NEURL1B: variants seen among roughly 807,000 people sequenced by gnomAD.
NEURL1B encodes the protein neuralized E3 ubiquitin protein ligase 1B.
In NEURL1B, 13 loss-of-function variants were observed where a neutral mutation model predicts 37.4. The ratio of observed to expected loss-of-function variants is 0.35; its 90% confidence interval spans 0.23 to 0.55. The LOEUF is 0.55. NEURL1B is among the 20% of genes least tolerant of loss of function. The probability of loss-of-function intolerance (pLI) is 0.89; values close to 1 mark genes in which losing one functional copy is unlikely to be tolerated. For missense variants in NEURL1B, 790 were observed against 879.2 expected (o/e 0.90, Z 1.28); for synonymous variants, 432 against 426.6 (o/e 1.01, Z -0.16).
rs571450566 is a variant in NEURL1B at position 172,684,100 on chromosome 5, C to G, written c.1259C>G (p.Ala420Gly). ...ACGCAGGCGCTCTGGGCCTTCTTCG[C>G]CGTGCGCGGCGGCGTCGCGGGCCAG... ...DTTQALWAFF[A>G]VRGGVAGQLR... The change falls in exon 3 of 5, where the codon GCC becomes GGC. Residue 420 changes from alanine (A) to glycine (G), a missense_variant. This residue lies in a region of NEURL1B where 460 missense variants were observed against 407.4 expected (regional missense o/e 1.13). Coordinates refer to ENST00000369800, the MANE Select transcript of NEURL1B (RefSeq NM_001142651.3). 2 of 1,273,160 alleles carry G rather than the reference C, an allele frequency of 1.6e-6. No homozygotes were observed. The highest frequency in any genetic ancestry group is 4.9e-5 in the South Asian group (2 of 40,892). 78.9% of individuals were successfully genotyped at this position (1,273,160 alleles called of 1,614,324 possible).
chr5:172,684,471 C>T (rs1758443645), intron 3 of NEURL1B, among the ~76,000 whole-genome samples: 2 of 152,266 alleles, frequency 1.3e-5, no homozygotes, highest in East Asian at 1.9e-4. Flanking sequence ...CCGAGCTTGG[C>T]AGGCTATATC....
rs1757820307 is a variant in NEURL1B at position 172,657,636 on chromosome 5, T to C, written c.32-12149T>C. Reference sequence around the variant, plus strand: ...GCCCGCATAAGGGTTGCTTGAGGGCTCCTTGGTCAAGTGGTAACGCCGGTG... The same window carrying C: ...GCCCGCATAAGGGTTGCTTGAGGGCCCCTTGGTCAAGTGGTAACGCCGGTG... On this transcript the variant is annotated intron_variant, in intron 1 of 4. Transcript: ENST00000369800. This position sits in a 1 kb window ranked among gnomAD's most constrained non-coding sequence, Gnocchi z 4.0. Among the ~76,000 whole-genome samples, 1 of 152,164 alleles carries C rather than the reference T, an allele frequency of 6.6e-6. No homozygotes were observed. Among genetic ancestry groups the C allele is most frequent in the South Asian group, 2.1e-4 (1 of 4,834 alleles).
intron 1 of NEURL1B, among the ~76,000 whole-genome samples, chr5:172,645,930 A>G (rs1183034563): frequency 6.6e-6 from 1 of 152,168 alleles, no homozygotes; most frequent in Non-Finnish European, 1.5e-5. Flanking sequence ...GTGGGTTGTG[A>G]CCAGCTGTAA....
At chr5:172,644,533 C>G (rs1460422721) in intron 1 of NEURL1B, among the ~76,000 whole-genome samples, 1 of 152,210 alleles carries the variant, frequency 6.6e-6, no homozygotes, top group Non-Finnish European at 1.5e-5. Context: ...CTTGGCAGCT[C>G]TTGCAAAGTG....
chr5:172,686,277 G>C lies in NEURL1B; in HGVS notation c.1404G>C (p.Ser468=). The C allele has an allele frequency of 6.4e-6, 10 of 1,551,650 alleles. No individual in the cohort carries two copies. The highest frequency in any genetic ancestry group is 8.7e-6 in the Non-Finnish European group (10 of 1,146,980). Residue 468 remains serine, a synonymous_variant, in exon 4 of 5, where the codon TCG becomes TCC. Coordinates refer to ENST00000369800, the MANE Select transcript of NEURL1B (RefSeq NM_001142651.3). This position sits in a 1 kb window ranked among gnomAD's most constrained non-coding sequence, Gnocchi z 7.9. ...DMTFSVNQSS[S]ASESSLVTAP... ...CCTTCAGTGTCAACCAGTCCTCCTC[G>C]GCATCTGAGTCATCCCTGGGTAAGG...
rs1581439481 is a variant in NEURL1B at position 172,683,242 on chromosome 5, T to A, written c.578-177T>A. Among the ~76,000 whole-genome samples the A allele has an allele frequency of 1.3e-5, 2 of 152,060 alleles. No homozygotes were observed. Among genetic ancestry groups the A allele is most frequent in the Non-Finnish European group, 1.5e-5 (1 of 67,988 alleles). ...TGCTTAATGCAATTCTGTGCTCCTG[T>A]GACTCACTAAATAACACAGATGGAC... On this transcript the variant is annotated intron_variant, in intron 2 of 4. Transcript: ENST00000369800. The surrounding 1 kb of genome is among the most constrained non-coding windows in gnomAD (Gnocchi z 5.6).
chr5:172,686,787 G>C lies in NEURL1B; in HGVS notation c.1530G>C (p.Glu510Asp). The C allele has an allele frequency of 6.4e-7, 1 of 1,551,956 alleles. No homozygotes were observed. Among genetic ancestry groups the C allele is most frequent in the Non-Finnish European group, 8.7e-7 (1 of 1,147,334 alleles). ...AGTGCACGGTGTGCTTCGATGGCGA[G>C]GTGGACACGGTCATCTACACGTGTG... ...NGECTVCFDG[E>D]VDTVIYTCGH... The change falls in exon 5 of 5, where the codon GAG becomes GAC. Residue 510 changes from glutamate (E) to aspartate (D), a missense_variant. By Grantham distance (45) the Glu-to-Asp change is conservative. Around this residue, in one of 3 missense-constraint regions of NEURL1B, gnomAD observed 115 missense variants for 162.6 expected, o/e 0.71. Coordinates refer to ENST00000369800, the MANE Select transcript of NEURL1B (RefSeq NM_001142651.3). This position sits in a 1 kb window ranked among gnomAD's most constrained non-coding sequence, Gnocchi z 7.9.
rs1757671733 is a variant in NEURL1B, at chr5:172,651,849, T to C, written c.31+10412T>C. Among the ~76,000 whole-genome samples the C allele has an allele frequency of 3.3e-5, 5 of 152,354 alleles. No individual in the cohort carries two copies. The South Asian group carries it at 1.0e-3, about 32-fold the overall frequency. On this transcript the variant is annotated intron_variant, in intron 1 of 4. Coordinates refer to ENST00000369800, the MANE Select transcript of NEURL1B (RefSeq NM_001142651.3). ...GACTCCAATTGCATCTAAATAGACG[T>C]GAGAGTCAAAAGACCTGTAAGGGCT...
intron 1 of NEURL1B, among the ~76,000 whole-genome samples, chr5:172,666,551 C>G (rs912168569): frequency 2.0e-5 from 3 of 152,158 alleles, no homozygotes; most frequent in Non-Finnish European, 4.4e-5. Flanking sequence ...ATTGGCCACC[C>G]TAGTATCTAG....
intron 1 of NEURL1B, among the ~76,000 whole-genome samples, chr5:172,667,940 C>T (rs1359199106): frequency 6.8e-6 from 1 of 147,502 alleles, no homozygotes; most frequent in Non-Finnish European, 1.5e-5. Context: ...CTCAGTGACA[C>T]CTCAGGGCCT....
chr5:172,664,913 G>A (rs1233222246), intron 1 of NEURL1B, among the ~76,000 whole-genome samples: 1 of 152,116 alleles, frequency 6.6e-6, no homozygotes, highest in Non-Finnish European at 1.5e-5. Flanking sequence ...TGTAAACTTC[G>A]CTGGTTACTT....
chr5:172,664,046 G>A (rs569725325), intron 1 of NEURL1B, among the ~76,000 whole-genome samples: 8 of 152,084 alleles, frequency 5.3e-5, no homozygotes, highest in African/African-American at 1.9e-4. Flanking sequence ...TGGGAGCGAT[G>A]TGGGGAAATG....
rs1369124646 is a variant in NEURL1B, at chr5:172,683,461, A to T, written c.620A>T (p.Gln207Leu). 1 of 1,472,648 alleles carries T rather than the reference A, an allele frequency of 6.8e-7. No homozygotes were observed. Among genetic ancestry groups the T allele is most frequent in the Non-Finnish European group, 9.0e-7 (1 of 1,115,342 alleles). The allele number at this position is 1,472,648 out of a possible 1,614,324, so 91.2% of individuals were successfully genotyped here. A position where few individuals can be genotyped will look rare whatever the true frequency, so the allele number is the denominator to read the frequency against. Reference protein sequence around the residue: ...ADTLTPARLSQARFSACLPPS... With the variant: ...ADTLTPARLSLARFSACLPPS... The stretch of plus-strand genomic sequence containing the variant: ...ACGCTGACGCCCGCGCGCCTCAGCC[A>T]GGCCCGCTTCAGCGCCTGCCTGCCG... Residue 207 changes from glutamine (Q) to leucine (L), a missense_variant, in exon 3 of 5, where the codon CAG becomes CTG. By Grantham distance (113) the Gln-to-Leu change is moderately radical. Around this residue, in one of 3 missense-constraint regions of NEURL1B, gnomAD observed 460 missense variants for 407.4 expected, o/e 1.13. Transcript: ENST00000369800. This position sits in a 1 kb window ranked among gnomAD's most constrained non-coding sequence, Gnocchi z 5.6.
chr5:172,665,573 T>C lies in NEURL1B; in HGVS notation c.32-4212T>C, dbSNP rs1757993350. Among the ~76,000 whole-genome samples the C allele has an allele frequency of 6.6e-6, 1 of 152,194 alleles. No homozygotes were observed. Among genetic ancestry groups the C allele is most frequent in the Non-Finnish European group, 1.5e-5 (1 of 68,030 alleles). ...GCGTTCTGAGCCTCTTGGGCTGGCATTCAGGGCCTTCCCACCTGGTTCCTG... is the reference window on the plus strand; with the variant it reads ...GCGTTCTGAGCCTCTTGGGCTGGCACTCAGGGCCTTCCCACCTGGTTCCTG... On this transcript the variant is annotated intron_variant, in intron 1 of 4. Coordinates refer to ENST00000369800, the MANE Select transcript of NEURL1B (RefSeq NM_001142651.3). This position sits in a 1 kb window ranked among gnomAD's most constrained non-coding sequence, Gnocchi z 4.1.
chr5:172,647,000 G>A (rs1017509745), intron 1 of NEURL1B, among the ~76,000 whole-genome samples: 1 of 152,136 alleles, frequency 6.6e-6, no homozygotes, highest in African/African-American at 2.4e-5. Flanking sequence ...CAGTCAGGAG[G>A]CTTGGATTTC....
At position 172,683,192 on chromosome 5, in the gene NEURL1B, A is replaced by C. The variant is rs1758396764; in HGVS notation, c.578-227A>C. 6.6e-6 allele frequency among the ~76,000 whole-genome samples: 1 copy of C among 152,168 alleles called. No homozygotes were observed. ...CTTATCTGCCGCTCCCAAAGGTAAGAGCATGTCAAGGAAACCGAGGATGGT... is the reference window on the plus strand; with the variant it reads ...CTTATCTGCCGCTCCCAAAGGTAAGCGCATGTCAAGGAAACCGAGGATGGT... On this transcript the variant is annotated intron_variant, in intron 2 of 4. Transcript: ENST00000369800. This position sits in a 1 kb window ranked among gnomAD's most constrained non-coding sequence, Gnocchi z 5.6.
chr5:172,656,565 T>A (rs1561643264), intron 1 of NEURL1B: 2 of 1,611,112 alleles, frequency 1.2e-6, no homozygotes, highest in East Asian at 2.2e-5. Flanking sequence ...CAAGAGCCCC[T>A]TCCCCGCGGC....
Position 172,665,496 on chromosome 5 carries a change from G to A in NEURL1B, c.32-4289G>A, listed in dbSNP as rs11738054. On this transcript the variant is annotated intron_variant, in intron 1 of 4. Transcript: ENST00000369800. The surrounding 1 kb of genome is among the most constrained non-coding windows in gnomAD (Gnocchi z 4.1). ...CCTGACAGGCAGTGCAGGTGTGGCCGTGGCCCTGCTTTGCCAAAAGCCCTG... is the reference window on the plus strand; with the variant it reads ...CCTGACAGGCAGTGCAGGTGTGGCCATGGCCCTGCTTTGCCAAAAGCCCTG... 0.17 allele frequency among the ~76,000 whole-genome samples: 26,410 copies of A among 152,204 alleles called. 2,563 individuals are homozygous for A. Among genetic ancestry groups the A allele is most frequent in the African/African-American group, 0.27 (11,062 of 41,500 alleles).
At position 172,641,321 on chromosome 5, in the gene NEURL1B, AC is replaced by A. The variant is rs1372396845; in HGVS notation, c.-82del. On this transcript the variant is annotated 5_prime_UTR_variant, in exon 1 of 5. It removes the in-frame stop codon of an upstream open reading frame in the 5' UTR. Transcript: ENST00000369800. The surrounding 1 kb of genome is among the most constrained non-coding windows in gnomAD (Gnocchi z 6.4). Reference sequence around the variant, plus strand: ...GCAGCTGCGATGCCCCGGAGCGTCGACCCCGGTCCTGGTCCCTGGCCCGCCG... The same window carrying A: ...GCAGCTGCGATGCCCCGGAGCGTCGACCCGGTCCTGGTCCCTGGCCCGCCG... The A allele has an allele frequency of 6.6e-5, 79 of 1,190,182 alleles. No individual in the cohort carries two copies. The highest frequency in any genetic ancestry group is 8.2e-5 in the Non-Finnish European group (77 of 944,026). 73.7% of individuals were successfully genotyped at this position (1,190,182 alleles called of 1,614,324 possible). A position where few individuals can be genotyped will look rare whatever the true frequency, so the allele number is the denominator to read the frequency against.
Sources: gnomAD v4.1 joint callset for allele counts (sites outside exome capture counted in the v4.1 genomes callset) on GRCh38, gnomAD v4.1.1 for gene constraint, gnomAD v4.1.1 regional missense constraint, Gnocchi (gnomAD v3.1) non-coding constraint, MANE v1.5 for transcripts, NCBI Gene and HGNC (gene_info 2026-07-23, HGNC 2026-07-21) for gene names.